RNF111: variants seen among roughly 807,000 people sequenced by gnomAD.
RNF111 encodes the protein E3 ubiquitin-protein ligase Arkadia.
A neutral mutation model predicts 95.1 loss-of-function variants in RNF111; 17 were observed. That is an observed-to-expected ratio of 0.18 (90% CI 0.12 to 0.27). The LOEUF is 0.27. RNF111 is among the 10% of genes least tolerant of loss of function. The pLI is 1.00. For synonymous variants in RNF111, 440 were observed against 414.8 expected (o/e 1.06, Z -0.74); for missense variants, 1,189 against 1,210.4 (o/e 0.98, Z 0.26).
chr15:59,019,884 G>C (rs2040248598), intron 1 of RNF111, among the ~76,000 whole-genome samples: 1 of 151,980 alleles, frequency 6.6e-6, no homozygotes, highest in African/African-American at 2.4e-5. Context: ...GCTTGAACCT[G>C]GGAGATGGAG....
At chr15:59,033,958 A>T (rs1403176600) in intron 2 of RNF111, among the ~76,000 whole-genome samples, 6 of 152,232 alleles carry the variant, frequency 3.9e-5, no homozygotes, top group Admixed American at 3.9e-4. Context: ...TAATGATTTA[A>T]TAACATTCAC....
intron 1 of RNF111, among the ~76,000 whole-genome samples, chr15:59,017,871 C>T (rs2040145316): frequency 6.7e-6 from 1 of 149,898 alleles, no homozygotes; most frequent in Non-Finnish European, 1.5e-5. Flanking sequence ...GATTCTCCTG[C>T]TTCAGCCTCC....
At chr15:59,035,341 A>G (rs541709840) in intron 2 of RNF111, among the ~76,000 whole-genome samples, 53 of 152,224 alleles carry the variant, frequency 3.5e-4, no homozygotes, top group African/African-American at 1.2e-3. Context: ...ACAGTCCCCC[A>G]AAGTCTTAAC....
chr15:59,052,154 T>C, intron 2 of RNF111, 151 bp from the exon 3 acceptor site: 1 of 613,842 alleles, frequency 1.6e-6, no homozygotes, highest in Non-Finnish European at 2.7e-6. Context: ...TGTTTTTTGT[T>C]CCTTGTGTAT....
chr15:59,068,636 T>C (rs184837741), intron 6 of RNF111, among the ~76,000 whole-genome samples: 1 of 151,342 alleles, frequency 6.6e-6, no homozygotes, highest in East Asian at 2.0e-4. Flanking sequence ...TGAGATGGAG[T>C]GTCACTCTTG....
Position 59,089,814 on chromosome 15 carries a change from G to A in RNF111, c.2643+55G>A, listed in dbSNP as rs1345400301. ...TCACAGTATCTTTAATGCAGATTGA[G>A]TATATATATACTACTATACACAATT... On this transcript the variant is annotated intron_variant, in intron 11 of 13. Transcript: ENST00000348370. 7.5e-6 allele frequency: 9 copies of A among 1,202,238 alleles called. No homozygotes were observed. The African/African-American group carries it at 1.1e-4, about 14-fold the overall frequency. The allele number at this position is 1,202,238 out of a possible 1,614,324, so 74.5% of individuals were successfully genotyped here. A position where few individuals can be genotyped will look rare whatever the true frequency, so the allele number is the denominator to read the frequency against.
chr15:59,081,076 T>C lies in RNF111; in HGVS notation c.2089T>C (p.Ser697Pro), dbSNP rs1447192712. Residue 697 changes from serine to proline, a missense_variant, in exon 8 of 14, where the codon TCT becomes CCT. By Grantham distance (74) the Ser-to-Pro change is moderately conservative. Coordinates refer to ENST00000348370, the MANE Select transcript of RNF111 (RefSeq NM_017610.8). The stretch of plus-strand genomic sequence containing the variant: ...TGTACATGCTTTCCATTCTCAAATA[T>C]CTTCTCATGCAACATCTCATCCTGT... The part of the protein sequence containing the change: ...HPVHAFHSQI[S>P]SHATSHPVAP... 4 of 1,614,078 alleles carry C rather than the reference T, an allele frequency of 2.5e-6. No homozygotes were observed. Among genetic ancestry groups the C allele is most frequent in the Non-Finnish European group, 3.4e-6 (4 of 1,180,018 alleles).
intron 1 of RNF111, among the ~76,000 whole-genome samples, chr15:59,022,467 T>C (rs1414593043): frequency 6.6e-6 from 1 of 152,206 alleles, no homozygotes; most frequent in Non-Finnish European, 1.5e-5. Flanking sequence ...ATTCTGACAG[T>C]TCTAATCTCC....
Position 59,031,464 on chromosome 15 carries a change from G to A in RNF111, c.642G>A (p.Lys214=). 1.9e-6 allele frequency: 3 copies of A among 1,614,216 alleles called. No homozygotes were observed. The highest frequency in any genetic ancestry group is 2.5e-6 in the Non-Finnish European group (3 of 1,180,046). ...CGTTACGGAGACTTCCATGCAGAAAGAGATTTGTAAAAAATAATTCCTCAC... is the reference window on the plus strand; with the variant it reads ...CGTTACGGAGACTTCCATGCAGAAAAAGATTTGTAAAAAATAATTCCTCAC... ...GSSLRRLPCR[K]RFVKNNSSQR... is the part of the protein sequence containing the mutation. The change falls in exon 2 of 14, where the codon AAG becomes AAA. Residue 214 remains lysine, a synonymous_variant. Transcript: ENST00000348370.
chr15:59,079,829 G>C (rs60285686), intron 7 of RNF111, among the ~76,000 whole-genome samples: 1 of 151,650 alleles, frequency 6.6e-6, no homozygotes, highest in African/African-American at 2.4e-5. Context: ...GAAACAAATA[G>C]GTCTCCTTCA....
Position 59,066,903 on chromosome 15 carries a change from A to G in RNF111, c.1506A>G (p.Thr502=), listed in dbSNP as rs151224376. The G allele has an allele frequency of 0.016, 25,756 of 1,613,926 alleles. 255 individuals are homozygous for G. The highest frequency in any genetic ancestry group is 0.019 in the Non-Finnish European group (22,796 of 1,179,980). ...QNHHALGHPH[T]SCFQQHGHHF... ...ACCATGCATTAGGACATCCTCATAC[A>G]AGTTGCTTTCAGCAGCATGGTCACC... Residue 502 remains threonine (T), a synonymous_variant, in exon 6 of 14, where the codon ACA becomes ACG. Transcript: ENST00000348370.
rs200975904 is a variant in RNF111 at position 59,017,753 on chromosome 15, C to CTTTTTTTTTT, written c.-19-13039_-19-13030dup. On this transcript the variant is annotated intron_variant, in intron 1 of 13. Transcript: ENST00000348370. ...GGTTTGTTACATTATTTGTTGAACT[C>CTTTTTTTTTT]TTTTTTTTTTTTTTTTTTTTTGAGA... Among the ~76,000 whole-genome samples the CTTTTTTTTTT allele has an allele frequency of 1.1e-3, 136 of 120,938 alleles. 1 individual carries two copies. The highest frequency in any genetic ancestry group is 4.5e-3 in the Middle Eastern group (1 of 220). 79.3% of individuals were successfully genotyped at this position (120,938 alleles called of 152,430 possible).
At chr15:59,032,974 C>A (rs2040990386) in intron 2 of RNF111, among the ~76,000 whole-genome samples, 1 of 152,104 alleles carries the variant, frequency 6.6e-6, no homozygotes, top group Non-Finnish European at 1.5e-5. Flanking sequence ...AATGTATGTT[C>A]CATGTATACA....
intron 4 of RNF111, 52 bp downstream of exon 4, chr15:59,055,897 A>C (rs2042182366): frequency 6.9e-7 from 1 of 1,457,344 alleles, no homozygotes; most frequent in African/African-American, 1.4e-5. Context: ...TGATAAAAGG[A>C]AATCTCTTAA....
intron 1 of RNF111, among the ~76,000 whole-genome samples, chr15:59,011,300 T>C (rs556573206): frequency 2.0e-5 from 3 of 152,238 alleles, no homozygotes; most frequent in Admixed American, 6.5e-5. Context: ...ATAACACTTA[T>C]ACTGCATTTT....
intron 2 of RNF111, among the ~76,000 whole-genome samples, chr15:59,036,826 T>C (rs80271276): frequency 0.031 from 4,784 of 152,164 alleles, 249 homozygotes; most frequent in African/African-American, 0.11. Context: ...TGTGGTTCTT[T>C]TTGGTTTGGT....
intron 10 of RNF111, among the ~76,000 whole-genome samples, chr15:59,089,083 A>C (rs1412453688): frequency 6.6e-6 from 1 of 152,098 alleles, no homozygotes; most frequent in Non-Finnish European, 1.5e-5. Context: ...GGCAACTGCA[A>C]TTTTTTGCCA....
intron 1 of RNF111, among the ~76,000 whole-genome samples, chr15:59,007,765 T>G (rs182221775): frequency 6.6e-6 from 1 of 152,216 alleles, no homozygotes; most frequent in Non-Finnish European, 1.5e-5. Context: ...ACTAAAGATA[T>G]TGAAGATTTT....
chr15:59,073,163 A>T (rs2043015153), intron 6 of RNF111, among the ~76,000 whole-genome samples: 1 of 152,024 alleles, frequency 6.6e-6, no homozygotes, highest in Non-Finnish European at 1.5e-5. Context: ...ACACAGTGAG[A>T]CCTTGTCTCA....
Sources: allele counts gnomAD v4.1 joint callset (sites outside exome capture counted in the v4.1 genomes callset), GRCh38; gene constraint gnomAD v4.1.1; transcripts MANE v1.5; gene names NCBI Gene and HGNC (gene_info 2026-07-23, HGNC 2026-07-21).